Variants in SHOC2 observed in about 807,000 individuals in gnomAD.
SHOC2 encodes the protein SHOC2 leucine rich repeat scaffold protein.
A neutral mutation model predicts 50.2 loss-of-function variants in SHOC2; 4 were observed. That is an observed-to-expected ratio of 0.08 (90% CI 0.04 to 0.18). The LOEUF (loss-of-function observed/expected upper bound fraction) is 0.18, where lower values mean the gene tolerates loss of function less well. Among genes scored for constraint, SHOC2 ranks in the 10% least tolerant of loss-of-function variants. The pLI, the probability that SHOC2 is intolerant of heterozygous loss-of-function variation, is 1.00. For missense variants in SHOC2, 388 were observed against 669.6 expected (o/e 0.58, Z 4.64); for synonymous variants, 218 against 244.5 (o/e 0.89, Z 1.01).
intron 4 of SHOC2, among the ~76,000 whole-genome samples, chr10:111,001,346 G>T (rs1220478047): frequency 6.6e-6 from 1 of 151,820 alleles, no homozygotes; most frequent in Non-Finnish European, 1.5e-5. Flanking sequence ...TAGAGATGGG[G>T]GTTTCACCAT....
At chr10:110,942,710 T>G (rs1413753513) in intron 1 of SHOC2, among the ~76,000 whole-genome samples, 1 of 152,204 alleles carries the variant, frequency 6.6e-6, no homozygotes, top group Non-Finnish European at 1.5e-5. Context: ...CTAGTGTCCT[T>G]CCATTTCAAC....
intron 1 of SHOC2, chr10:110,936,896 T>C (rs1590783075): frequency 7.2e-7 from 1 of 1,382,442 alleles, no homozygotes. Context: ...CTTTTTCTTG[T>C]CGTAAGGCGG....
At chr10:110,969,771 C>G (rs1388199166) in intron 2 of SHOC2, among the ~76,000 whole-genome samples, 2 of 151,998 alleles carry the variant, frequency 1.3e-5, no homozygotes, top group African/African-American at 4.8e-5. Context: ...TCATGTGGGT[C>G]TAGTTGTCAA....
chr10:111,005,279 C>G (rs1021101122), intron 5 of SHOC2, among the ~76,000 whole-genome samples: 1 of 151,948 alleles, frequency 6.6e-6, no homozygotes, highest in Non-Finnish European at 1.5e-5. Context: ...GTTCCCCATC[C>G]CCCCAAAAAA....
At chr10:110,933,881 C>T (rs559564431) in intron 1 of SHOC2, among the ~76,000 whole-genome samples, 3 of 151,468 alleles carry the variant, frequency 2.0e-5, no homozygotes, top group East Asian at 1.9e-4. Context: ...TTTTTTTTAA[C>T]GAAAGTTTGG....
rs574959049 is a variant in SHOC2 at position 111,011,833 on chromosome 10, T to C, written c.*15T>C. ...CCATGGTCTGATATAAATCTGCTGG[T>C]CCCACACACTGTTCAAAAATAGACT... On this transcript the variant is annotated 3_prime_UTR_variant, in exon 9 of 9. Coordinates refer to ENST00000369452, the MANE Select transcript of SHOC2 (RefSeq NM_007373.4). The C allele has an allele frequency of 6.3e-7, 1 of 1,590,824 alleles. No individual in the cohort carries two copies. The highest frequency in any genetic ancestry group is 1.3e-5 in the African/African-American group (1 of 74,554).
chr10:111,009,490 T>G (rs1564731379), intron 7 of SHOC2, 105 bp downstream of exon 7: 12 of 1,071,496 alleles, frequency 1.1e-5, no homozygotes, highest in Non-Finnish European at 1.7e-5. Flanking sequence ...AGATAGACTT[T>G]CCTATTCTAG....
rs1272566323 is a variant in SHOC2, at chr10:110,985,624, A to G, written c.704-4A>G. 6.2e-7 allele frequency: 1 copy of G among 1,605,172 alleles called. No individual in the cohort carries two copies. Among genetic ancestry groups the G allele is most frequent in the Non-Finnish European group, 8.5e-7 (1 of 1,172,988 alleles). On this transcript the variant is annotated splice_region_variant and splice_polypyrimidine_tract_variant and intron_variant, in intron 2 of 8. Coordinates refer to ENST00000369452, the MANE Select transcript of SHOC2 (RefSeq NM_007373.4). ...ATTGAATTTTTATGTTGGTCAATTT[A>G]CAGGTGAATTATGTAACCTCATTAC... is the stretch of plus-strand genomic sequence containing the variant.
At chr10:110,936,978 T>C (rs778274941) in intron 1 of SHOC2, 10 of 1,460,606 alleles carry the variant, frequency 6.8e-6, no homozygotes, top group South Asian at 1.1e-5. Flanking sequence ...GGCAGCATAC[T>C]TCGCACAGTC....
At chr10:110,922,576 A>ATG (rs1846676722) in intron 1 of SHOC2, among the ~76,000 whole-genome samples, 1 of 152,104 alleles carries the variant, frequency 6.6e-6, no homozygotes, top group East Asian at 1.9e-4. Context: ...ATTAAGTGAA[A>ATG]TGTATCTTTA....
At chr10:110,994,800 A>G (rs1010259648) in intron 3 of SHOC2, among the ~76,000 whole-genome samples, 5 of 152,202 alleles carry the variant, frequency 3.3e-5, no homozygotes, top group African/African-American at 1.2e-4. Context: ...ACATTTATAT[A>G]TTTTATAACT....
chr10:110,976,503 G>T (rs901809770), intron 2 of SHOC2, among the ~76,000 whole-genome samples: 25 of 152,026 alleles, frequency 1.6e-4, no homozygotes, highest in African/African-American at 5.3e-4. Context: ...TAGAGGCAGG[G>T]TCTTACCATA....
intron 2 of SHOC2, among the ~76,000 whole-genome samples, chr10:110,976,316 CTTT>C (rs746934269): frequency 7.0e-6 from 1 of 142,884 alleles, no homozygotes. Flanking sequence ...TTTATTTTGC[CTTT>C]TTTTTTTTTT....
intron 2 of SHOC2, among the ~76,000 whole-genome samples, chr10:110,971,397 A>G (rs1001510826): frequency 6.6e-6 from 1 of 151,958 alleles, no homozygotes; most frequent in Non-Finnish European, 1.5e-5. Context: ...TCTCTACTCT[A>G]TTCAATTGAT....
chr10:110,977,025 G>A (rs1434389233), intron 2 of SHOC2, among the ~76,000 whole-genome samples: 1 of 151,976 alleles, frequency 6.6e-6, no homozygotes, highest in Non-Finnish European at 1.5e-5. Flanking sequence ...AAATCTTACT[G>A]TTCTATACAA....
intron 1 of SHOC2, among the ~76,000 whole-genome samples, chr10:110,955,889 G>T (rs1345373307): frequency 6.6e-6 from 1 of 152,062 alleles, no homozygotes; most frequent in African/African-American, 2.4e-5. Context: ...GGAAGGAAGG[G>T]TATAAAGACA....
chr10:110,938,524 C>T (rs1847074887), intron 1 of SHOC2, among the ~76,000 whole-genome samples: 1 of 152,018 alleles, frequency 6.6e-6, no homozygotes, highest in African/African-American at 2.4e-5. Flanking sequence ...ATGTTTACTA[C>T]TAAATAAGTG....
rs186260092 is a variant in SHOC2 at position 110,936,172 on chromosome 10, C to T, written c.-235+16515C>T. On this transcript the variant is annotated intron_variant, in intron 1 of 8. Transcript: ENST00000369452. ...AGTGCAATGGCGCGATCTCGGCTCA[C>T]TGCAACCTCCGCCTCCTGGGTTCAA... Among the ~76,000 whole-genome samples the T allele has an allele frequency of 8.4e-3, 1,267 of 150,606 alleles. 72 individuals are homozygous for T. Among genetic ancestry groups the T allele is most frequent in the Admixed American group, 0.076 (1,152 of 15,104 alleles).
At position 110,962,345 on chromosome 10, in the gene SHOC2, C is replaced by CATTATTCA. The variant is rs1847588170; in HGVS notation, c.-234-1779_-234-1772dup. ...TAACCCTTTAGCTATGCATATTTCC[C>CATTATTCA]ATTATTCAGTTGTATGGTTTTAGTA... On this transcript the variant is annotated intron_variant, in intron 1 of 8. Transcript: ENST00000369452. Among the ~76,000 whole-genome samples the CATTATTCA allele has an allele frequency of 1.3e-5, 2 of 152,070 alleles. 1 individual carries two copies. The highest frequency in any genetic ancestry group is 4.1e-4 in the South Asian group (2 of 4,828).
Sources: allele counts gnomAD v4.1 joint callset (sites outside exome capture counted in the v4.1 genomes callset), GRCh38; gene constraint gnomAD v4.1.1; transcripts MANE v1.5; gene names NCBI Gene and HGNC (gene_info 2026-07-23, HGNC 2026-07-21).